MICAL3: variants seen among roughly 807,000 people sequenced by gnomAD.
MICAL3 encodes the protein [F-actin]-monooxygenase MICAL3.
A neutral mutation model predicts 207.4 loss-of-function variants in MICAL3; 62 were observed. The observed-to-expected ratio is 0.30, with a 90% CI of 0.24 to 0.37. The LOEUF is 0.37. Ranked by LOEUF, MICAL3 falls within the 10% of genes least tolerant of loss-of-function variation. The pLI is 1.00. For synonymous variants in MICAL3, 1,077 were observed against 1,069.3 expected, an observed-to-expected ratio of 1.01 and a Z score of -0.14; for missense variants, 2,368 against 2,635.6, an observed-to-expected ratio of 0.90 and a Z score of 2.22.
chr22:17,824,370 A>G (rs912747021), intron 22 of MICAL3, among the ~76,000 whole-genome samples: 2 of 152,202 alleles, frequency 1.3e-5, no homozygotes, highest in Non-Finnish European at 2.9e-5. Context: ...GGTTAGGTGG[A>G]TTTCTTAAAA....
rs1406620658 is a variant in MICAL3, at chr22:17,791,037, G to C, written c.5785C>G (p.Arg1929Gly). 3 of 1,611,902 alleles carry C rather than the reference G, an allele frequency of 1.9e-6. No individual in the cohort carries two copies. The African/African-American group carries it at 4.0e-5, about 22-fold the overall frequency. ...RELELEDRQS[R>G]LQQELRERMA... ...CGTTCCCGGAGCTCCTGCTGCAGTC[G>C]ACTCTGCCGGTCTTCCAGCTCCAGC... Residue 1929 changes from arginine (R) to glycine (G), a missense_variant, in exon 31 of 32, where the codon CGA becomes GGA. Arg to Gly is a moderately radical substitution (Grantham distance 125). Around this residue, in one of 4 missense-constraint regions of MICAL3, gnomAD observed 1,770 missense variants for 1,863.2 expected, o/e 0.95. Coordinates refer to ENST00000441493, the MANE Select transcript of MICAL3 (RefSeq NM_015241.3).
At chr22:17,897,178 T>C (rs772765157) in intron 7 of MICAL3, among the ~76,000 whole-genome samples, 197 bp from the exon 8 acceptor site, 5 of 152,036 alleles carry the variant, frequency 3.3e-5, no homozygotes, top group Admixed American at 1.3e-4. Flanking sequence ...ATCCCAGCAC[T>C]TTGGGAGGCT....
rs977733825 is a variant in MICAL3, at chr22:17,832,387, C to T, written c.2802-280G>A. 4.6e-5 allele frequency among the ~76,000 whole-genome samples: 7 copies of T among 152,282 alleles called. No individual in the cohort carries two copies. The East Asian group carries it at 7.7e-4, about 17-fold the overall frequency. On this transcript the variant is annotated intron_variant, in intron 20 of 31. Coordinates refer to ENST00000441493, the MANE Select transcript of MICAL3 (RefSeq NM_015241.3). ...GTGGATGGGGTAGGGAGGGGACCACCGAAGGCTGCCTGTGGGTCTGGCCCA... is the reference window on the plus strand; with the variant it reads ...GTGGATGGGGTAGGGAGGGGACCACTGAAGGCTGCCTGTGGGTCTGGCCCA...
chr22:18,001,520 G>C (rs1277474511), intron 1 of MICAL3: 1 of 152,412 alleles, frequency 6.6e-6, no homozygotes, highest in African/African-American at 2.4e-5. Flanking sequence ...CGGGGGATGG[G>C]CGGGCACATG....
At chr22:18,018,260 A>G (rs1924199205) in intron 1 of MICAL3, among the ~76,000 whole-genome samples, 1 of 152,218 alleles carries the variant, frequency 6.6e-6, no homozygotes, top group African/African-American at 2.4e-5. Context: ...AAATATATTG[A>G]ATTCTATTTT....
At chr22:17,854,027 T>C (rs1228213242) in intron 19 of MICAL3, among the ~76,000 whole-genome samples, 1 of 152,174 alleles carries the variant, frequency 6.6e-6, no homozygotes, top group Non-Finnish European at 1.5e-5. Context: ...ACTTTTCTGA[T>C]TCTCACCATC....
At chr22:17,891,891 C>T (rs1348479615) in intron 11 of MICAL3, among the ~76,000 whole-genome samples, 3 of 152,190 alleles carry the variant, frequency 2.0e-5, no homozygotes, top group Non-Finnish European at 4.4e-5. Context: ...CCTGAGGGAC[C>T]ACAGCCTGAC....
At chr22:17,911,376 T>A (rs770967740) in intron 1 of MICAL3, among the ~76,000 whole-genome samples, 20 of 151,968 alleles carry the variant, frequency 1.3e-4, no homozygotes, top group African/African-American at 4.8e-4. Flanking sequence ...GAATGACACT[T>A]CAAGAGTATG....
intron 1 of MICAL3, among the ~76,000 whole-genome samples, chr22:17,972,421 G>A (rs936480446): frequency 6.6e-6 from 1 of 152,174 alleles, no homozygotes; most frequent in Non-Finnish European, 1.5e-5. Flanking sequence ...ACCAGGCTAA[G>A]CTACCTGGGA....
intron 19 of MICAL3, among the ~76,000 whole-genome samples, chr22:17,848,321 A>G (rs1924856763): frequency 6.6e-6 from 1 of 152,150 alleles, no homozygotes; most frequent in African/African-American, 2.4e-5. Context: ...TCAAGTTGGA[A>G]ACAGTACAGT....
intron 19 of MICAL3, among the ~76,000 whole-genome samples, chr22:17,846,692 G>A (rs1346765904): frequency 1.3e-5 from 2 of 152,168 alleles, no homozygotes; most frequent in African/African-American, 2.4e-5. Flanking sequence ...CCTACCTCCC[G>A]CCCTCTACTC....
intron 27 of MICAL3, chr22:17,812,905 A>G (rs1264742850): frequency 6.6e-6 from 1 of 152,122 alleles, no homozygotes; most frequent in Non-Finnish European, 1.5e-5. Context: ...GTGATTCTAG[A>G]TGCTTTTCTC....
intron 19 of MICAL3, among the ~76,000 whole-genome samples, chr22:17,852,660 T>C (rs1011534813): frequency 6.6e-6 from 1 of 152,236 alleles, no homozygotes; most frequent in Non-Finnish European, 1.5e-5. Flanking sequence ...CTGAGGCTCC[T>C]GGGTCTAACC....
intron 1 of MICAL3, among the ~76,000 whole-genome samples, chr22:17,969,263 A>T (rs1021034973): frequency 2.6e-5 from 4 of 151,770 alleles, no homozygotes; most frequent in African/African-American, 9.7e-5. Context: ...CTGGTCTTGA[A>T]CTCCTGACCT....
At chr22:18,000,411 A>G (rs1922812226) in intron 1 of MICAL3, among the ~76,000 whole-genome samples, 2 of 152,262 alleles carry the variant, frequency 1.3e-5, no homozygotes, top group South Asian at 4.1e-4. Context: ...AGAGTCAGGA[A>G]GACCAGCCAA....
At chr22:17,916,910 G>C (rs925708349) in intron 1 of MICAL3, among the ~76,000 whole-genome samples, 4 of 152,054 alleles carry the variant, frequency 2.6e-5, no homozygotes, top group South Asian at 2.1e-4. Flanking sequence ...CTGTGATCTA[G>C]GACACAGCTC....
At position 17,831,912 on chromosome 22, in the gene MICAL3, TTCCTCCTCCTCC is replaced by T; in HGVS notation, c.2985_2996del (p.Glu997_Glu1000del). The T allele has an allele frequency of 6.4e-7, 1 of 1,557,826 alleles. No individual in the cohort carries two copies. The highest frequency in any genetic ancestry group is 8.7e-7 in the Non-Finnish European group (1 of 1,150,314). On this transcript the variant is annotated inframe_deletion, in exon 21 of 32. Transcript: ENST00000441493. The stretch of plus-strand genomic sequence containing the variant: ...CCTCCTCCTCCTCCTCTTCATATTC[TTCCTCCTCCTCC>T]TCCTCCTCTTCATTCCCAGGCCCAA...
chr22:17,913,296 C>G (rs966401090), intron 1 of MICAL3, among the ~76,000 whole-genome samples: 1 of 152,222 alleles, frequency 6.6e-6, no homozygotes. Context: ...CGCTATAACC[C>G]GACCTGGAGT....
At position 18,004,259 on chromosome 22, in the gene MICAL3, C is replaced by CT. The variant is rs540047525; in HGVS notation, c.-75+20021dup. 8.5e-3 allele frequency: 1,219 copies of CT among 143,912 alleles called. 14 individuals carry two copies. The highest frequency in any genetic ancestry group is 0.023 in the African/African-American group (905 of 39,460). The allele number at this position is 143,912 out of a possible 1,614,324, so 8.9% of individuals were successfully genotyped here. ...ATGCTCTCTGCCCCAATATACATTT[C>CT]TTTTTTTTTTTTTTCTTTTTCTTTT... On this transcript the variant is annotated intron_variant, in intron 1 of 31. Transcript: ENST00000441493.
Sources: gnomAD v4.1 joint callset for allele counts (sites outside exome capture counted in the v4.1 genomes callset) on GRCh38, gnomAD v4.1.1 for gene constraint, gnomAD v4.1.1 regional missense constraint, MANE v1.5 for transcripts, NCBI Gene and HGNC (gene_info 2026-07-23, HGNC 2026-07-21) for gene names.